The following FBXO27 variants were observed in gnomAD, a reference collection of about 807,000 sequenced individuals.
FBXO27 encodes the protein F-box protein 27.
FBXO27 carries 28 observed loss-of-function variants against 28.3 expected under a neutral mutation model. That is an observed-to-expected ratio of 0.99 (90% confidence interval 0.73 to 1.36). The LOEUF (loss-of-function observed/expected upper bound fraction) is 1.36. FBXO27 is among the 40% of genes most tolerant of loss of function. The pLI is 0.00. For missense variants in FBXO27, 388 were observed against 394.1 expected (o/e 0.98, Z 0.13); for synonymous variants, 175 against 167.3 (o/e 1.05, Z -0.36).
chr19:39,027,994 A>G (rs998097641), intron 4 of FBXO27, among the ~76,000 whole-genome samples: 1 of 151,830 alleles, frequency 6.6e-6, no homozygotes, highest in East Asian at 1.9e-4. Context: ...TAATCCCAAC[A>G]CTTTGGGAGG....
At chr19:39,030,355 G>C (rs929908008) in intron 4 of FBXO27, 26 of 152,422 alleles carry the variant, frequency 1.7e-4, no homozygotes, top group African/African-American at 6.0e-4. Flanking sequence ...AGGCTACAAA[G>C]CCACAGAGCT....
chr19:39,006,754 T>C (rs1975736819), intron 2 of FBXO27, among the ~76,000 whole-genome samples: 1 of 151,730 alleles, frequency 6.6e-6, no homozygotes, highest in South Asian at 2.1e-4. Flanking sequence ...TGAGACAGTG[T>C]CCTAATAATC....
At chr19:39,025,624 C>A in intron 5 of FBXO27, 70 bp from the exon 6 acceptor site, 1 of 1,515,832 alleles carries the variant, frequency 6.6e-7, no homozygotes, top group Non-Finnish European at 8.9e-7. Context: ...TTAGGGCCTT[C>A]TGGAAGATGG....
In FBXO27 at chr19:39,032,446, A is replaced by G; in HGVS notation, c.-27+57T>C. ...CCCGCGGTCTGTGTGTATGCCCCGA[A>G]TTGCATGCAATCAGCCCCCCTCGGC... On this transcript the variant is annotated intron_variant, in intron 1 of 5. Coordinates refer to ENST00000292853, the MANE Select transcript of FBXO27 (RefSeq NM_178820.5). This position sits in a 1 kb window ranked among gnomAD's most constrained non-coding sequence, Gnocchi z 4.7. The G allele has an allele frequency of 1.8e-6, 1 of 570,682 alleles. No homozygotes were observed. 35.4% of individuals were successfully genotyped at this position (570,682 alleles called of 1,614,324 possible). A position where few individuals can be genotyped will look rare whatever the true frequency, so the allele number is the denominator to read the frequency against.
chr19:39,006,289 G>A (rs1014705861), intron 2 of FBXO27, among the ~76,000 whole-genome samples: 1 of 152,110 alleles, frequency 6.6e-6, no homozygotes, highest in Non-Finnish European at 1.5e-5. Flanking sequence ...CAGGCAAGGT[G>A]GCCTACTCCT....
At chr19:39,013,639 TA>T (rs1001126983) in intron 2 of FBXO27, among the ~76,000 whole-genome samples, 1 of 146,926 alleles carries the variant, frequency 6.8e-6, no homozygotes, top group East Asian at 2.0e-4. Context: ...AAAAAAAAAT[TA>T]AAAAAAATAA....
chr19:39,031,214 T>C lies in FBXO27; in HGVS notation c.471A>G (p.Ser157=), dbSNP rs778183649. 3.7e-6 allele frequency: 6 copies of C among 1,614,158 alleles called. No individual in the cohort carries two copies. The highest frequency in any genetic ancestry group is 5.1e-6 in the Non-Finnish European group (6 of 1,180,010). Residue 157 remains serine (S), a synonymous_variant, in exon 3 of 6, where the codon TCA becomes TCG. Transcript: ENST00000292853. ...TGGATAGCAGGGGCATTCACCTGAA[T>C]GAAGTCACGAAGCACGTCTGAGAAG... The part of the protein sequence containing the change: ...GAPSQTCFVT[S]FSWCCKKQVL...
Position 39,032,230 on chromosome 19 carries a change from TC to T in FBXO27, c.-4del. The T allele has an allele frequency of 4.2e-6, 6 of 1,426,124 alleles. No individual in the cohort carries two copies. The highest frequency in any genetic ancestry group is 3.1e-5 in the Admixed American group (1 of 32,088). 88.3% of individuals were successfully genotyped at this position (1,426,124 alleles called of 1,614,324 possible). A position where few individuals can be genotyped will look rare whatever the true frequency, so the allele number is the denominator to read the frequency against. ...CCCCTGGAGACCGAGGCGCCCATGG[TC>T]CCCCCGCCAGGCCCGGCTGTGGCTG... On this transcript the variant is annotated 5_prime_UTR_variant, in exon 2 of 6. Transcript: ENST00000292853. The surrounding 1 kb of genome is among the most constrained non-coding windows in gnomAD (Gnocchi z 4.7).
intron 5 of FBXO27, among the ~76,000 whole-genome samples, chr19:39,026,598 C>T (rs577110810): frequency 1.1e-4 from 17 of 152,270 alleles, no homozygotes; most frequent in East Asian, 5.8e-4. Flanking sequence ...CTCAGCTTCC[C>T]GAGTAGCTGG....
chr19:39,020,741 G>T, downstream of FBXO27, among the ~76,000 whole-genome samples: 1 of 123,178 alleles, frequency 8.1e-6, no homozygotes, highest in East Asian at 2.3e-4. Flanking sequence ...TCATTAAAGA[G>T]ATTGTGGATA....
In FBXO27 at chr19:39,027,025, T is replaced by G. The variant is rs567840280; in HGVS notation, c.573-20A>C. ...CCCCACCTGTGGGAGGAAGGAGCCA[T>G]GAAGGCTGGACCTGCCACCCCATCT... On this transcript the variant is annotated intron_variant, in intron 4 of 5. Transcript: ENST00000292853. 6.2e-7 allele frequency: 1 copy of G among 1,613,800 alleles called. No individual in the cohort carries two copies. Among genetic ancestry groups the G allele is most frequent in the East Asian group, 2.2e-5 (1 of 44,870 alleles).
chr19:39,031,930 G>C lies in FBXO27; in HGVS notation c.298C>G (p.Pro100Ala), dbSNP rs140307492. 1 of 1,513,628 alleles carries C rather than the reference G, an allele frequency of 6.6e-7. No individual in the cohort carries two copies. Among genetic ancestry groups the C allele is most frequent in the Non-Finnish European group, 8.7e-7 (1 of 1,142,922 alleles). The allele number at this position is 1,513,628 out of a possible 1,614,324, so 93.8% of individuals were successfully genotyped here. A position where few individuals can be genotyped will look rare whatever the true frequency, so the allele number is the denominator to read the frequency against. Reference protein sequence around the residue: ...QSPARNARPCPLGRFCARRPI... With the variant: ...QSPARNARPCALGRFCARRPI... The stretch of plus-strand genomic sequence containing the variant: ...CTGCGCGCGCAGAAGCGGCCCAGGG[G>C]GCAAGGCCTGGCGTTACGGGCGGGA... Residue 100 changes from proline to alanine, a missense_variant, in exon 2 of 6, where the codon CCC becomes GCC. Pro to Ala is a conservative substitution (Grantham distance 27, BLOSUM62 -1). Transcript: ENST00000292853.
At chr19:39,009,933 C>T (rs1413013251) in intron 2 of FBXO27, among the ~76,000 whole-genome samples, 1 of 151,976 alleles carries the variant, frequency 6.6e-6, no homozygotes, top group Non-Finnish European at 1.5e-5. Flanking sequence ...CCTCAGCCTC[C>T]CGAGTAGCTG....
chr19:39,017,229 T>C (rs1304711321), intron 1 of FBXO27, among the ~76,000 whole-genome samples: 1 of 152,192 alleles, frequency 6.6e-6, no homozygotes, highest in Non-Finnish European at 1.5e-5. Context: ...ACAGACACTG[T>C]ACTTGTTCTG....
At position 39,031,199 on chromosome 19, in the gene FBXO27, G is replaced by A; in HGVS notation, c.476+10C>T. 1 of 1,613,828 alleles carries A rather than the reference G, an allele frequency of 6.2e-7. No individual in the cohort carries two copies. On this transcript the variant is annotated intron_variant, in intron 3 of 5. Transcript: ENST00000292853. The stretch of plus-strand genomic sequence containing the variant: ...AAGGGGCCGGACCTTTGGATAGCAG[G>A]GGCATTCACCTGAATGAAGTCACGA...
At position 39,025,223 on chromosome 19, in the gene FBXO27, G is replaced by T; in HGVS notation, c.*188C>A. 1 of 722,748 alleles carries T rather than the reference G, an allele frequency of 1.4e-6. No individual in the cohort carries two copies. Among genetic ancestry groups the T allele is most frequent in the Non-Finnish European group, 2.2e-6 (1 of 460,538 alleles). The allele number at this position is 722,748 out of a possible 1,614,324, so 44.8% of individuals were successfully genotyped here. A position where few individuals can be genotyped will look rare whatever the true frequency, so the allele number is the denominator to read the frequency against. On this transcript the variant is annotated 3_prime_UTR_variant, in exon 6 of 6. Transcript: ENST00000292853. ...AGCAGCTGCAGTAGGTAGATAAGAT[G>T]GAAGAAGCTTCTTCTGGTAGTTTCT... is the stretch of plus-strand genomic sequence containing the variant.
intron 2 of FBXO27, among the ~76,000 whole-genome samples, chr19:39,012,128 C>T (rs10402088): frequency 0.023 from 3,540 of 150,650 alleles, 143 homozygotes; most frequent in African/African-American, 0.081. Context: ...CCACCACGCC[C>T]GGCCGAGCCC....
chr19:39,015,232 T>C (rs532773204), intron 1 of FBXO27, among the ~76,000 whole-genome samples: 2 of 141,678 alleles, frequency 1.4e-5, no homozygotes, highest in Admixed American at 7.8e-5. Flanking sequence ...GGCAGGAGGA[T>C]GGCTTGAGCC....
In FBXO27 at chr19:39,012,939, A is replaced by C. The variant is rs1188876760; in HGVS notation, c.252+1448T>G. ...GGCGCTACTGCACTCCAGCCTGGGC[A>C]ACAGAGTGAGACCCTGTCTCAAAAC... On this transcript the variant is annotated intron_variant, in intron 2 of 2. Transcript: ENST00000598394. Among the ~76,000 whole-genome samples the C allele has an allele frequency of 2.0e-4, 30 of 151,360 alleles. No homozygotes were observed. In the Admixed American group the frequency reaches 2.0e-3, roughly 10 times the overall value.
Sources: allele counts gnomAD v4.1 joint callset (sites outside exome capture counted in the v4.1 genomes callset), GRCh38; gene constraint gnomAD v4.1.1; non-coding constraint Gnocchi (gnomAD v3.1); transcripts MANE v1.5; gene names NCBI Gene and HGNC (gene_info 2026-07-23, HGNC 2026-07-21).